Variants in INTS8 observed in about 807,000 individuals in gnomAD.
INTS8 encodes integrator complex subunit 8, also known as protein kaonashi-1.
In INTS8, 47 loss-of-function variants were observed where a neutral mutation model predicts 138.9. The observed-to-expected ratio is 0.34, with a 90% CI of 0.27 to 0.43. The LOEUF (loss-of-function observed/expected upper bound fraction) is 0.43. Ranked by LOEUF, INTS8 falls within the 20% of genes least tolerant of loss-of-function variation. The pLI is 1.00. For synonymous variants in INTS8, 392 were observed against 400.9 expected (o/e 0.98, Z 0.27); for missense variants, 996 against 1,173.0 (o/e 0.85, Z 2.20).
At chr8:94,875,335 C>T (rs1256666277) in intron 23 of INTS8, among the ~76,000 whole-genome samples, 1 of 152,092 alleles carries the variant, frequency 6.6e-6, no homozygotes, top group African/African-American at 2.4e-5. Context: ...ATGGCTGAAC[C>T]TTGAAAGATT....
At chr8:94,872,994 TCTC>T (rs1816450805) in intron 21 of INTS8, among the ~76,000 whole-genome samples, 1 of 152,190 alleles carries the variant, frequency 6.6e-6, no homozygotes, top group Admixed American at 6.5e-5. Flanking sequence ...ATCATTCCTC[TCTC>T]CTCTGGATTA....
chr8:94,856,566 T>A (rs1186204270), intron 14 of INTS8, among the ~76,000 whole-genome samples: 1 of 152,240 alleles, frequency 6.6e-6, no homozygotes, highest in African/African-American at 2.4e-5. Flanking sequence ...TTATATTGTT[T>A]ATTGGATTTT....
intron 8 of INTS8, 60 bp from the exon 9 acceptor site, chr8:94,841,431 A>C (rs767475385): frequency 1.6e-5 from 12 of 765,656 alleles, no homozygotes; most frequent in South Asian, 5.2e-5. Context: ...AGACTTGTTT[A>C]AAGTAAAAAA....
chr8:94,861,479 T>C (rs1203962657), intron 16 of INTS8, among the ~76,000 whole-genome samples: 1 of 151,984 alleles, frequency 6.6e-6, no homozygotes, highest in Non-Finnish European at 1.5e-5. Flanking sequence ...GCCAGGATGG[T>C]CTCAATCTCC....
chr8:94,828,927 C>T (rs775800845), intron 4 of INTS8, 48 bp from the exon 5 acceptor site: 1 of 1,269,898 alleles, frequency 7.9e-7, no homozygotes, highest in East Asian at 2.3e-5. Context: ...ATTTTTTAGT[C>T]TTGAGAGTAA....
chr8:94,874,095 A>G (rs1322998281), intron 22 of INTS8, among the ~76,000 whole-genome samples: 1 of 152,100 alleles, frequency 6.6e-6, no homozygotes. Flanking sequence ...ACTCTCAGCA[A>G]TTTTTTAGTA....
intron 21 of INTS8, 31 bp downstream of exon 21, chr8:94,872,033 T>C: frequency 9.4e-7 from 1 of 1,058,936 alleles, no homozygotes; most frequent in East Asian, 2.4e-5. Flanking sequence ...CTTTGTGTTT[T>C]GTTTTTATAG....
chr8:94,830,638 C>T (rs1358914839), intron 5 of INTS8, among the ~76,000 whole-genome samples: 2 of 151,996 alleles, frequency 1.3e-5, no homozygotes, highest in East Asian at 3.9e-4. Context: ...GCTGGGACTA[C>T]AGACATGTGC....
chr8:94,871,885 C>G lies in INTS8; in HGVS notation c.2416C>G (p.Leu806Val). The change falls in exon 21 of 27, where the codon CTC becomes GTC. Residue 806 changes from leucine (L) to valine (V), a missense_variant and splice_region_variant. Leu to Val is a conservative substitution (Grantham distance 32, BLOSUM62 1). Coordinates refer to ENST00000523731, the MANE Select transcript of INTS8 (RefSeq NM_017864.4). ...AATGTTGTGTGTCTTTCCTTTTAGCCTCCAGTCTGTGGACTTTGAAGCTGT... is the reference window on the plus strand; with the variant it reads ...AATGTTGTGTGTCTTTCCTTTTAGCGTCCAGTCTGTGGACTTTGAAGCTGT... The part of the protein sequence containing the change: ...ISIWPSSIPN[L>V]QSVDFEAVAI... 6.6e-7 allele frequency: 1 copy of G among 1,518,488 alleles called. No individual in the cohort carries two copies. The highest frequency in any genetic ancestry group is 9.1e-7 in the Non-Finnish European group (1 of 1,095,380). 94.1% of individuals were successfully genotyped at this position (1,518,488 alleles called of 1,614,324 possible).
chr8:94,853,204 T>C (rs1815615162), intron 13 of INTS8, among the ~76,000 whole-genome samples: 1 of 151,952 alleles, frequency 6.6e-6, no homozygotes, highest in South Asian at 2.1e-4. Flanking sequence ...TCCAGCTACT[T>C]GAGAGGCCGA....
chr8:94,833,361 C>A (rs968752252), intron 6 of INTS8, among the ~76,000 whole-genome samples: 36 of 151,676 alleles, frequency 2.4e-4, no homozygotes, highest in East Asian at 1.2e-3. Context: ...TACTTGGTAA[C>A]CCTTTTTGTA....
chr8:94,866,887 T>TG, intron 18 of INTS8: 1 of 398,676 alleles, frequency 2.5e-6, no homozygotes, highest in East Asian at 4.0e-5. Context: ...TGTGAGGAGT[T>TG]GAGCGTGGAG....
intron 26 of INTS8, among the ~76,000 whole-genome samples, chr8:94,877,981 A>T (rs1435431796): frequency 6.6e-6 from 1 of 152,106 alleles, no homozygotes; most frequent in Non-Finnish European, 1.5e-5. Context: ...CCTGGAATCC[A>T]GTTTTTAAGT....
At chr8:94,849,736 A>G (rs113520395) in intron 11 of INTS8, among the ~76,000 whole-genome samples, 180 bp from the exon 12 acceptor site, 124 of 152,252 alleles carry the variant, frequency 8.1e-4, no homozygotes, top group African/African-American at 2.8e-3. Flanking sequence ...ATATTGTGGC[A>G]TTGACATCAC....
intron 12 of INTS8, among the ~76,000 whole-genome samples, chr8:94,850,323 C>T (rs977556867): frequency 1.3e-5 from 2 of 152,086 alleles, no homozygotes; most frequent in African/African-American, 4.8e-5. Context: ...AAGATTTTAG[C>T]TGGGGAAGGC....
chr8:94,866,190 G>T lies in INTS8; in HGVS notation c.2294G>T (p.Arg765Leu). The T allele has an allele frequency of 2.3e-6, 3 of 1,326,046 alleles. No individual in the cohort carries two copies. The highest frequency in any genetic ancestry group is 1.3e-5 in the South Asian group (1 of 76,618). 82.1% of individuals were successfully genotyped at this position (1,326,046 alleles called of 1,614,324 possible). A position where few individuals can be genotyped will look rare whatever the true frequency, so the allele number is the denominator to read the frequency against. ...CTGCTTTCTTTTATCAAAAAATTAC[G>T]AGTAAGTTTTATTAAAAATTGCTCT... ...SELLSFIKKL[R>L]EPLVLTIILS... The change falls in exon 18 of 27, where the codon CGA becomes CTA. Residue 765 changes from arginine to leucine, a missense_variant and splice_region_variant. Transcript: ENST00000523731.
At chr8:94,854,316 T>C (rs1249642653) in intron 14 of INTS8, among the ~76,000 whole-genome samples, 1 of 152,070 alleles carries the variant, frequency 6.6e-6, no homozygotes, top group Non-Finnish European at 1.5e-5. Flanking sequence ...GTCACAGTCA[T>C]AGGCCTAAAA....
In INTS8 at chr8:94,880,242, A is replaced by G. The variant is rs780905558; in HGVS notation, c.*8A>G. 6.7e-7 allele frequency: 1 copy of G among 1,503,596 alleles called. No individual in the cohort carries two copies. The highest frequency in any genetic ancestry group is 1.2e-5 in the South Asian group (1 of 84,858). 93.1% of individuals were successfully genotyped at this position (1,503,596 alleles called of 1,614,324 possible). On this transcript the variant is annotated 3_prime_UTR_variant, in exon 27 of 27. Coordinates refer to ENST00000523731, the MANE Select transcript of INTS8 (RefSeq NM_017864.4). ...GCAAAACTTTACTTTTAAGCAGTTA[A>G]ATTTTTTTAACTTTTATTTTTTAAA...
chr8:94,838,659 A>G (rs1212234758), intron 8 of INTS8, 41 bp downstream of exon 8: 2 of 1,546,298 alleles, frequency 1.3e-6, no homozygotes, highest in Non-Finnish European at 1.8e-6. Flanking sequence ...TTTGGAAGCC[A>G]GACAAAACTA....
Sources: gnomAD v4.1 joint callset for allele counts (sites outside exome capture counted in the v4.1 genomes callset) on GRCh38, gnomAD v4.1.1 for gene constraint, MANE v1.5 for transcripts, NCBI Gene and HGNC (gene_info 2026-07-23, HGNC 2026-07-21) for gene names.